Variants in ANK1 observed in about 807,000 individuals in gnomAD.
ANK1 encodes the protein ankyrin 1.
ANK1 carries 51 observed loss-of-function variants against 210.4 expected under a neutral mutation model. The observed-to-expected ratio is 0.24, with a 90% CI of 0.19 to 0.31. ANK1 has a LOEUF of 0.31. ANK1 is among the 10% of genes least tolerant of loss of function. The pLI, the probability that ANK1 is intolerant of heterozygous loss-of-function variation, is 1.00. For missense variants in ANK1, 2,051 were observed against 2,504.4 expected, an observed-to-expected ratio of 0.82 and a Z score of 3.86; for synonymous variants, 967 against 1,025.9, an observed-to-expected ratio of 0.94 and a Z score of 1.10.
intron 31 of ANK1, 34 bp downstream of exon 31, chr8:41,692,614 G>T (rs748452742): frequency 1.9e-6 from 3 of 1,591,428 alleles, no homozygotes; most frequent in Admixed American, 1.7e-5. Flanking sequence ...AGGACGGTTT[G>T]TCCCAGAGGC....
intron 2 of ANK1, among the ~76,000 whole-genome samples, chr8:41,746,617 AGG>A (rs1290108191): frequency 6.6e-6 from 1 of 152,210 alleles, no homozygotes; most frequent in African/African-American, 2.4e-5. Context: ...GAGCTCTGCA[AGG>A]AAATGAATCA....
intron 35 of ANK1, 68 bp from the exon 36 acceptor site, chr8:41,686,351 C>T: frequency 1.9e-6 from 3 of 1,605,922 alleles, no homozygotes; most frequent in Non-Finnish European, 2.6e-6. Context: ...CTCCAGCACA[C>T]AGGCTGGGTG....
At chr8:41,813,316 T>C (rs1802781230) in intron 1 of ANK1, among the ~76,000 whole-genome samples, 1 of 152,192 alleles carries the variant, frequency 6.6e-6, no homozygotes, top group African/African-American at 2.4e-5. Flanking sequence ...CTTTTGTTTT[T>C]AGTGATTCCA....
At chr8:41,831,085 C>A (rs554552729) in intron 1 of ANK1, among the ~76,000 whole-genome samples, 6 of 152,270 alleles carry the variant, frequency 3.9e-5, no homozygotes, top group African/African-American at 1.4e-4. Flanking sequence ...CAGACGAAAG[C>A]ACAGCGGCCT....
In ANK1 at chr8:41,692,856, G is replaced by A; in HGVS notation, c.3650C>T (p.Pro1217Leu). The change falls in exon 31 of 43, where the codon CCT becomes CTT. Residue 1217 changes from proline to leucine, a missense_variant. Coordinates refer to ENST00000289734, the MANE Select transcript of ANK1 (RefSeq NM_000037.4). ...AAAGTTCACAGCCTCAGCAGTCCGA[G>A]GACAGTCCGACAGCCAAAACCTAAA... The part of the protein sequence containing the change: ...VSARFWLSDC[P>L]RTAEAVNFAT... The A allele has an allele frequency of 6.2e-7, 1 of 1,613,974 alleles. No homozygotes were observed. The highest frequency in any genetic ancestry group is 8.5e-7 in the Non-Finnish European group (1 of 1,180,030).
intron 1 of ANK1, among the ~76,000 whole-genome samples, chr8:41,790,161 T>C (rs1256330265): frequency 2.0e-5 from 3 of 151,562 alleles, no homozygotes; most frequent in East Asian, 1.9e-4. Flanking sequence ...TTTTTTTTTT[T>C]CAGAGACAGA....
chr8:41,739,159 CT>C (rs1485083065), intron 2 of ANK1, among the ~76,000 whole-genome samples: 1 of 152,272 alleles, frequency 6.6e-6, no homozygotes, highest in South Asian at 2.1e-4. Context: ...TTTTTTCCCC[CT>C]CTTTTCTCTC....
At chr8:41,857,954 A>G (rs1395708720) in intron 1 of ANK1, among the ~76,000 whole-genome samples, 4 of 151,216 alleles carry the variant, frequency 2.6e-5, no homozygotes, top group Admixed American at 6.6e-5. Context: ...GGGGCCAGGT[A>G]TAGTAGCTCA....
chr8:41,785,351 C>A (rs1224332002), intron 1 of ANK1, among the ~76,000 whole-genome samples: 3 of 152,130 alleles, frequency 2.0e-5, no homozygotes, highest in Non-Finnish European at 2.9e-5. Flanking sequence ...CAGAGCAAGA[C>A]CCTGTCTCTA....
chr8:41,790,210 G>A (rs1477740729), intron 1 of ANK1, among the ~76,000 whole-genome samples: 2 of 150,948 alleles, frequency 1.3e-5, no homozygotes, highest in African/African-American at 2.4e-5. Flanking sequence ...GCAATGGTGC[G>A]ATCTCGGCTC....
In ANK1 at chr8:41,842,492, CA is replaced by C. The variant is rs142348107; in HGVS notation, c.126+53862del. Among the ~76,000 whole-genome samples the C allele has an allele frequency of 3.6e-3, 504 of 139,532 alleles. 1 individual carries two copies. Among genetic ancestry groups the C allele is most frequent in the East Asian group, 0.02 (99 of 4,834 alleles). 91.5% of individuals were successfully genotyped at this position (139,532 alleles called of 152,430 possible). A position where few individuals can be genotyped will look rare whatever the true frequency, so the allele number is the denominator to read the frequency against. ...CAGGCAACAGAGCGAGACTCTATCT[CA>C]AAAAAAAAAAAAAATTTTTGGAATG... On this transcript the variant is annotated intron_variant, in intron 1 of 42. Coordinates refer to the ANK1 transcript ENST00000265709.
At chr8:41,872,951 A>G (rs1446601724) in intron 1 of ANK1, among the ~76,000 whole-genome samples, 6 of 152,238 alleles carry the variant, frequency 3.9e-5, no homozygotes, top group African/African-American at 1.4e-4. Context: ...AATGGCTAAC[A>G]TAATTTATAA....
At chr8:41,660,599 T>C (rs1434743425) in intron 42 of ANK1, 6 of 443,430 alleles carry the variant, frequency 1.4e-5, no homozygotes, top group African/African-American at 4.2e-5. Context: ...TTCATGTCCC[T>C]TCCTCATGGC....
At chr8:41,846,794 C>T (rs1810146637) in intron 1 of ANK1, among the ~76,000 whole-genome samples, 1 of 152,160 alleles carries the variant, frequency 6.6e-6, no homozygotes, top group Non-Finnish European at 1.5e-5. Context: ...CTTTTTCCCA[C>T]ACCCTCCCAC....
At chr8:41,717,905 G>A (rs1223970390) in intron 11 of ANK1, among the ~76,000 whole-genome samples, 1 of 152,176 alleles carries the variant, frequency 6.6e-6, no homozygotes, top group Non-Finnish European at 1.5e-5. Context: ...TGCAAAAATT[G>A]TGTCTGATCT....
At chr8:41,769,668 A>G (rs1842609456) in intron 1 of ANK1, among the ~76,000 whole-genome samples, 2 of 152,216 alleles carry the variant, frequency 1.3e-5, no homozygotes, top group South Asian at 4.1e-4. Context: ...AAAATGTACA[A>G]TTTGCTAAGT....
At chr8:41,723,777 T>TTA (rs1427440460) in intron 7 of ANK1, 144 bp from the exon 8 acceptor site, 171 of 541,996 alleles carry the variant, frequency 3.2e-4, no homozygotes, top group Non-Finnish European at 4.2e-4. Flanking sequence ...GATATTTTAT[T>TTA]TTTTTTTATT....
chr8:41,755,354 G>T (rs1284190509), intron 2 of ANK1, among the ~76,000 whole-genome samples: 2 of 152,336 alleles, frequency 1.3e-5, no homozygotes, highest in East Asian at 3.9e-4. Context: ...CACAGAAAAT[G>T]AGCCCTGGCT....
intron 39 of ANK1, chr8:41,664,099 T>G (rs185647383): frequency 6.4e-6 from 3 of 469,632 alleles, no homozygotes; most frequent in South Asian, 4.6e-5. Flanking sequence ...CTTTGCAGTA[T>G]AGAAAAGCCC....
Sources: gnomAD v4.1 joint callset for allele counts (sites outside exome capture counted in the v4.1 genomes callset) on GRCh38, gnomAD v4.1.1 for gene constraint, MANE v1.5 for transcripts, NCBI Gene and HGNC (gene_info 2026-07-23, HGNC 2026-07-21) for gene names.